The following EPRS1 variants were observed in gnomAD, a reference collection of about 807,000 sequenced individuals.
The protein encoded by EPRS1 is bifunctional glutamate/proline--tRNA ligase.
A neutral mutation model predicts 188.3 loss-of-function variants in EPRS1; 107 were observed. That is an observed-to-expected ratio of 0.57 (90% CI 0.49 to 0.67). EPRS1 has a LOEUF of 0.67. Among genes scored for constraint, EPRS1 ranks in the 30% least tolerant of loss-of-function variants. The pLI is 0.00. For synonymous variants in EPRS1, 596 were observed against 593.1 expected (o/e 1.00, Z -0.07); for missense variants, 1,577 against 1,802.2 (o/e 0.88, Z 2.26).
chr1:220,025,420 C>T (rs1661953174), intron 6 of EPRS1, among the ~76,000 whole-genome samples, 162 bp from the exon 7 acceptor site: 1 of 61,940 alleles, frequency 1.6e-5, no homozygotes, highest in South Asian at 5.9e-4. Context: ...AAAATCTGAC[C>T]CTGACAGGAA....
chr1:220,044,677 T>C (rs1662363922), intron 1 of EPRS1, among the ~76,000 whole-genome samples: 1 of 83,664 alleles, frequency 1.2e-5, no homozygotes, highest in Admixed American at 1.7e-4. Flanking sequence ...ATGAGCTCGG[T>C]CTCCAAAAAA....
At chr1:219,981,309 A>G in intron 24 of EPRS1, 69 bp downstream of exon 24, 1 of 1,044,036 alleles carries the variant, frequency 9.6e-7, no homozygotes, top group South Asian at 1.7e-5. Flanking sequence ...TAAAAACAAA[A>G]TGTGCTTTAA....
intron 3 of EPRS1, 52 bp downstream of exon 3, chr1:220,034,862 A>G (rs2102597758): frequency 9.8e-7 from 1 of 1,021,762 alleles, no homozygotes; most frequent in South Asian, 1.3e-5. Flanking sequence ...GGTTCCCATA[A>G]AAAAACAGAA....
rs1157726647 is a variant in EPRS1, at chr1:220,009,891, C to T, written c.1605+1055G>A. Among the ~76,000 whole-genome samples, 3 of 151,912 alleles carry T rather than the reference C, an allele frequency of 2.0e-5. No homozygotes were observed. The East Asian group carries it at 5.8e-4, about 30-fold the overall frequency. On this transcript the variant is annotated intron_variant, in intron 13 of 31. Transcript: ENST00000366923. ...AGCAGATCATTTGAGGCCAGGAGTTCAAGACCAGCCTGGCCGCCAACATGG... is the reference window on the plus strand; with the variant it reads ...AGCAGATCATTTGAGGCCAGGAGTTTAAGACCAGCCTGGCCGCCAACATGG...
intron 12 of EPRS1, among the ~76,000 whole-genome samples, chr1:220,014,390 C>T (rs143272828): frequency 1.4e-4 from 21 of 152,054 alleles, no homozygotes; most frequent in African/African-American, 4.1e-4. Flanking sequence ...AGAAGCATCC[C>T]CTCCCCACTC....
In EPRS1 at chr1:220,006,142, G is replaced by A. The variant is rs372683669; in HGVS notation, c.1914C>T (p.Asp638=). 5.0e-5 allele frequency: 79 copies of A among 1,592,974 alleles called. 1 individual carries two copies. Among genetic ancestry groups the A allele is most frequent in the African/African-American group, 2.8e-4 (21 of 74,412 alleles). The change falls in exon 15 of 32, where the codon GAC becomes GAT. Residue 638 remains aspartate (D), a synonymous_variant. Coordinates refer to ENST00000366923, the MANE Select transcript of EPRS1 (RefSeq NM_004446.3). Reference sequence around the variant, plus strand: ...TGTTGACATACTGCTTAAAGTCCTCGTCTTTTCCTAGCACTGGCTTTGTGA... The same window carrying A: ...TGTTGACATACTGCTTAAAGTCCTCATCTTTTCCTAGCACTGGCTTTGTGA... ...HLITKPVLGK[D]EDFKQYVNKN... is the part of the protein sequence containing the mutation.
intron 12 of EPRS1, among the ~76,000 whole-genome samples, chr1:220,017,755 T>C (rs184380573): frequency 1.1e-4 from 16 of 151,596 alleles, no homozygotes; most frequent in East Asian, 3.9e-4. Flanking sequence ...ACAATGTCAA[T>C]AGGCAATGTT....
chr1:219,977,366 C>G (rs1660800557), intron 28 of EPRS1, among the ~76,000 whole-genome samples: 2 of 152,072 alleles, frequency 1.3e-5, no homozygotes, highest in South Asian at 4.1e-4. Flanking sequence ...TATAGGCTCA[C>G]TAGAGTACTA....
chr1:220,011,352 T>A (rs183730060), intron 12 of EPRS1, among the ~76,000 whole-genome samples: 11 of 152,306 alleles, frequency 7.2e-5, no homozygotes, highest in Non-Finnish European at 1.2e-4. Context: ...TAAAATCTGG[T>A]ATTAGAAGGC....
intron 19 of EPRS1, 127 bp from the exon 20 acceptor site, chr1:219,987,531 C>A: frequency 1.3e-6 from 1 of 769,948 alleles, no homozygotes; most frequent in South Asian, 2.0e-5. Context: ...GGAATGTGCC[C>A]AGGTGGTGAT....
At position 219,978,722 on chromosome 1, in the gene EPRS1, A is replaced by G; in HGVS notation, c.3910-3T>C. ...ATGCCACAAGGAATAATCACCACCT[A>G]GAATCAGCACAATGTCCCAAATGTA... On this transcript the variant is annotated splice_region_variant and splice_polypyrimidine_tract_variant and intron_variant, in intron 27 of 31. Transcript: ENST00000366923. 2 of 1,607,492 alleles carry G rather than the reference A, an allele frequency of 1.2e-6. No individual in the cohort carries two copies. Among genetic ancestry groups the G allele is most frequent in the South Asian group, 1.1e-5 (1 of 90,232 alleles).
chr1:219,982,664 T>C (rs1476487099), intron 23 of EPRS1, 108 bp downstream of exon 23: 1 of 799,042 alleles, frequency 1.3e-6, no homozygotes, highest in Non-Finnish European at 2.1e-6. Flanking sequence ...AAATGTTATA[T>C]CGTCAACAGA....
chr1:220,005,061 G>A (rs947375661), intron 16 of EPRS1, among the ~76,000 whole-genome samples, 187 bp downstream of exon 16: 9 of 152,260 alleles, frequency 5.9e-5, no homozygotes, highest in Non-Finnish European at 1.0e-4. Context: ...TTCAATGTGC[G>A]TGTTGTTTCA....
chr1:220,014,788 CTCTT>C (rs35440326), intron 12 of EPRS1, among the ~76,000 whole-genome samples: 121,698 of 151,828 alleles, frequency 0.8, 48,934 homozygotes, highest in East Asian at 0.93. Flanking sequence ...CTTCCAATCA[CTCTT>C]TATTTCCCCA....
intron 30 of EPRS1, among the ~76,000 whole-genome samples, chr1:219,969,827 AAT>A (rs1491287056): frequency 1.3e-5 from 2 of 151,994 alleles, no homozygotes; most frequent in Admixed American, 6.6e-5. Context: ...ATTAAAAAAA[AAT>A]TTTTTTTTTG....
intron 17 of EPRS1, among the ~76,000 whole-genome samples, chr1:219,998,546 C>A (rs1661279933): frequency 2.1e-5 from 1 of 47,982 alleles, no homozygotes; most frequent in Admixed American, 2.5e-4. Flanking sequence ...TGTTCAGCTA[C>A]ATTTTTTTTT....
intron 18 of EPRS1, among the ~76,000 whole-genome samples, chr1:219,990,364 T>C (rs1463669736): frequency 6.6e-6 from 1 of 152,112 alleles, no homozygotes; most frequent in Non-Finnish European, 1.5e-5. Flanking sequence ...CCTGATGATT[T>C]AGAAGGTACC....
In EPRS1 at chr1:220,046,441, A is replaced by C; in HGVS notation, c.-53T>G. On this transcript the variant is annotated 5_prime_UTR_variant, in exon 1 of 32. Transcript: ENST00000366923. ...AGTACGCCTGGCTCGTGCCAGAACT[A>C]CGGAGGACCCCGCGAAAGGAAGAAG... 1 of 1,609,880 alleles carries C rather than the reference A, an allele frequency of 6.2e-7. No homozygotes were observed. The highest frequency in any genetic ancestry group is 8.5e-7 in the Non-Finnish European group (1 of 1,178,424).
At chr1:219,974,042 C>G (rs1660728364) in intron 28 of EPRS1, among the ~76,000 whole-genome samples, 2 of 152,082 alleles carry the variant, frequency 1.3e-5, no homozygotes, top group Non-Finnish European at 2.9e-5. Flanking sequence ...CTCCCAAGAT[C>G]AATTGATTCT....
Sources: allele counts gnomAD v4.1 joint callset (sites outside exome capture counted in the v4.1 genomes callset), GRCh38; gene constraint gnomAD v4.1.1; transcripts MANE v1.5; gene names NCBI Gene and HGNC (gene_info 2026-07-23, HGNC 2026-07-21).